CCDC190: variants seen among roughly 807,000 people sequenced by gnomAD.
The protein encoded by CCDC190 is coiled-coil domain-containing protein 190.
In CCDC190, 10 loss-of-function variants were observed where a neutral mutation model predicts 13.1. The observed-to-expected ratio is 0.77, with a 90% CI of 0.47 to 1.30. CCDC190 has a LOEUF of 1.30. Among genes scored for constraint, CCDC190 ranks in the 50% most tolerant of loss-of-function variants. CCDC190 has a pLI of 0.00. For missense variants in CCDC190, 375 were observed against 354.3 expected, an observed-to-expected ratio of 1.06 and a Z score of -0.47; for synonymous variants, 136 against 127.2, an observed-to-expected ratio of 1.07 and a Z score of -0.47.
intron 1 of CCDC190, among the ~76,000 whole-genome samples, chr1:162,868,016 C>A (rs1704757): frequency 6.6e-6 from 1 of 151,980 alleles, no homozygotes; most frequent in Admixed American, 6.6e-5. Flanking sequence ...TTGTCGAAGC[C>A]AACAACCTAA....
At chr1:162,858,076 T>G (rs765305498) in intron 2 of CCDC190, among the ~76,000 whole-genome samples, 40 of 152,244 alleles carry the variant, frequency 2.6e-4, no homozygotes, top group Non-Finnish European at 4.4e-5. Flanking sequence ...AACTATTGCC[T>G]AGCACAGTGC....
Position 162,851,855 on chromosome 1 carries a change from G to C in CCDC190, c.*2910C>G, listed in dbSNP as rs115381305. 6.6e-6 allele frequency: 1 copy of C among 152,212 alleles called. No individual in the cohort carries two copies. The highest frequency in any genetic ancestry group is 1.5e-5 in the Non-Finnish European group (1 of 68,046). The allele number at this position is 152,212 out of a possible 1,614,324, so 9.4% of individuals were successfully genotyped here. A position where few individuals can be genotyped will look rare whatever the true frequency, so the allele number is the denominator to read the frequency against. On this transcript the variant is annotated 3_prime_UTR_variant, in exon 4 of 4. Coordinates refer to ENST00000367912, the MANE Select transcript of CCDC190 (RefSeq NM_001394065.1). ...AATGTTAAAGATTTGTATTTGTAGG[G>C]TTGAAAGCATTTCTTAACTGAAAAC...
chr1:162,862,556 A>G (rs930479172), upstream of CCDC190, among the ~76,000 whole-genome samples: 2 of 152,238 alleles, frequency 1.3e-5, no homozygotes, highest in African/African-American at 4.8e-5. Context: ...GCAGAGACAG[A>G]AGGGATGTGA....
chr1:162,854,786 A>AG lies in CCDC190; in HGVS notation c.884dup (p.Ser296PhefsTer2). The AG allele has an allele frequency of 6.2e-7, 1 of 1,610,200 alleles. No individual in the cohort carries two copies. The highest frequency in any genetic ancestry group is 8.5e-7 in the Non-Finnish European group (1 of 1,177,362). Reference sequence around the variant, plus strand: ...ACGGTTAGAGAGGAAGAAACTTAGAAGGCACCCTGTTTTCACACTCCTTTC... The same window carrying AG: ...ACGGTTAGAGAGGAAGAAACTTAGAAGGGCACCCTGTTTTCACACTCCTTTC... On this transcript the variant is annotated frameshift_variant, in exon 4 of 4. Coordinates refer to ENST00000367912, the MANE Select transcript of CCDC190 (RefSeq NM_001394065.1). LOFTEE classifies it high-confidence loss of function.
chr1:162,863,557 A>G (rs909715139), upstream of CCDC190, among the ~76,000 whole-genome samples: 2 of 152,202 alleles, frequency 1.3e-5, no homozygotes, highest in African/African-American at 4.8e-5. Flanking sequence ...GAGAGTGGAA[A>G]CAAACCAGGG....
At chr1:162,860,580 C>G (rs904709383) in intron 1 of CCDC190, among the ~76,000 whole-genome samples, 3 of 149,538 alleles carry the variant, frequency 2.0e-5, no homozygotes, top group African/African-American at 7.4e-5. Context: ...TTTTTTGAGA[C>G]AGAGTCTCAC....
chr1:162,854,696 T>G lies in CCDC190; in HGVS notation c.*69A>C. ...GTTTGTTTTTCTCTGTATTGCTTAA[T>G]ATAGTCATTTGAGGAACACATTTCC... On this transcript the variant is annotated 3_prime_UTR_variant, in exon 4 of 4. Transcript: ENST00000367912. 1 of 1,517,954 alleles carries G rather than the reference T, an allele frequency of 6.6e-7. No homozygotes were observed. The highest frequency in any genetic ancestry group is 8.8e-7 in the Non-Finnish European group (1 of 1,135,668). 94.0% of individuals were successfully genotyped at this position (1,517,954 alleles called of 1,614,324 possible).
chr1:162,865,417 T>C (rs1510319), upstream of CCDC190, among the ~76,000 whole-genome samples: 122,758 of 152,120 alleles, frequency 0.81, 51,784 homozygotes, highest in Non-Finnish European at 0.94. Context: ...AGAATGTTAA[T>C]TATACCCAAC....
Position 162,859,606 on chromosome 1 carries a change from A to G in CCDC190, c.41T>C (p.Phe14Ser). ...HMVRGQLYKH[F>S]DLERKNAKQA... The stretch of plus-strand genomic sequence containing the variant: ...CTTGGCATTCTTCCTCTCCAAATCA[A>G]AATGCTTATACAATTGTCCCCTGAC... Residue 14 changes from phenylalanine (F) to serine (S), a missense_variant, in exon 2 of 4, where the codon TTT (phenylalanine) becomes TCT (serine). Transcript: ENST00000367912. 1 of 1,613,874 alleles carries G rather than the reference A, an allele frequency of 6.2e-7. No homozygotes were observed. The highest frequency in any genetic ancestry group is 8.5e-7 in the Non-Finnish European group (1 of 1,179,852).
In CCDC190 at chr1:162,851,804, C is replaced by G. The variant is rs889998051; in HGVS notation, c.*2961G>C. The stretch of plus-strand genomic sequence containing the variant: ...CCTCAAAATTGAAGTATAAATTATC[C>G]CTTCTAACCATGTGTTACTAATTTG... On this transcript the variant is annotated 3_prime_UTR_variant, in exon 4 of 4. Coordinates refer to ENST00000367912, the MANE Select transcript of CCDC190 (RefSeq NM_001394065.1). 6.6e-6 allele frequency: 1 copy of G among 152,056 alleles called. No individual in the cohort carries two copies. Among genetic ancestry groups the G allele is most frequent in the African/African-American group, 2.4e-5 (1 of 41,390 alleles). The allele number at this position is 152,056 out of a possible 1,614,324, so 9.4% of individuals were successfully genotyped here.
At chr1:162,858,482 C>T (rs1387288551) in intron 2 of CCDC190, among the ~76,000 whole-genome samples, 1 of 152,212 alleles carries the variant, frequency 6.6e-6, no homozygotes, top group Non-Finnish European at 1.5e-5. Flanking sequence ...GAGTATCTTT[C>T]AAACCCAAAG....
intron 2 of CCDC190, among the ~76,000 whole-genome samples, chr1:162,859,187 G>A (rs562421129): frequency 6.6e-6 from 1 of 152,294 alleles, no homozygotes; most frequent in East Asian, 1.9e-4. Context: ...AGAAAACGAA[G>A]GATTTAAGCA....
In CCDC190 at chr1:162,859,672, G is replaced by A; in HGVS notation, c.-12-14C>T. 3 of 1,595,060 alleles carry A rather than the reference G, an allele frequency of 1.9e-6. No homozygotes were observed. Among genetic ancestry groups the A allele is most frequent in the Non-Finnish European group, 2.6e-6 (3 of 1,170,358 alleles). ...CTTCTTTATGGTCTAGAGACAATAA[G>A]GTATCACAAATAACCTGATAAATGG... On this transcript the variant is annotated splice_polypyrimidine_tract_variant and intron_variant, in intron 1 of 3. Coordinates refer to ENST00000367912, the MANE Select transcript of CCDC190 (RefSeq NM_001394065.1).
At chr1:162,863,120 T>C (rs1650575547), upstream of CCDC190, among the ~76,000 whole-genome samples, 1 of 152,222 alleles carries the variant, frequency 6.6e-6, no homozygotes, top group South Asian at 2.1e-4. Flanking sequence ...TAGTTCAAAC[T>C]GTTCAGTAAA....
At position 162,867,664 on chromosome 1, in the gene CCDC190, C is replaced by T. The variant is rs113154259; in HGVS notation, c.-13+989G>A. On this transcript the variant is annotated intron_variant, in intron 1 of 3. Coordinates refer to the CCDC190 transcript ENST00000367910. The stretch of plus-strand genomic sequence containing the variant: ...GTATAGCAGCCTTATTCATAATAGT[C>T]GCAAACTGGAAACAACCCAAATGAC... Among the ~76,000 whole-genome samples the T allele has an allele frequency of 2.8e-3, 427 of 152,178 alleles. 1 individual carries two copies. Among genetic ancestry groups the T allele is most frequent in the African/African-American group, 9.5e-3 (396 of 41,512 alleles).
intron 1 of CCDC190, 30 bp from the exon 2 acceptor site, chr1:162,859,688 T>C (rs1650430931): frequency 1.3e-6 from 2 of 1,554,340 alleles, no homozygotes; most frequent in Admixed American, 1.9e-5. Context: ...ACAAATAACC[T>C]GATAAATGGA....
In CCDC190 at chr1:162,859,645, ATCT is replaced by A. The variant is rs758598184; in HGVS notation, c.-2_1del. On this transcript the variant is annotated start_lost and start_retained_variant and 5_prime_UTR_variant, in exon 2 of 4. Coordinates refer to ENST00000367912, the MANE Select transcript of CCDC190 (RefSeq NM_001394065.1). Reference sequence around the variant, plus strand: ...TTGTCCCCTGACCATGTGCCTCTCCATCTTCTTTATGGTCTAGAGACAATAAGG... The same window carrying A: ...TTGTCCCCTGACCATGTGCCTCTCCATCTTTATGGTCTAGAGACAATAAGG... The A allele has an allele frequency of 8.7e-6, 14 of 1,612,678 alleles. No homozygotes were observed. In the East Asian group the frequency reaches 2.5e-4, roughly 28 times the overall value.
intron 1 of CCDC190, among the ~76,000 whole-genome samples, chr1:162,867,248 C>T (rs1341747199): frequency 1.3e-5 from 2 of 152,050 alleles, no homozygotes; most frequent in Non-Finnish European, 2.9e-5. Context: ...AACAACTTAA[C>T]ATTAAGGACA....
At chr1:162,860,089 AG>A (rs1195124330) in intron 1 of CCDC190, among the ~76,000 whole-genome samples, 3 of 152,194 alleles carry the variant, frequency 2.0e-5, no homozygotes, top group African/African-American at 7.2e-5. Flanking sequence ...TTAGGAACTT[AG>A]GACACGGCCA....
Sources: allele counts gnomAD v4.1 joint callset (sites outside exome capture counted in the v4.1 genomes callset), GRCh38; gene constraint gnomAD v4.1.1; transcripts MANE v1.5; gene names NCBI Gene and HGNC (gene_info 2026-07-23, HGNC 2026-07-21).